Variants in PITPNC1 observed in about 807,000 individuals in gnomAD.
PITPNC1 encodes the protein cytoplasmic phosphatidylinositol transfer protein 1.
In PITPNC1, 18 loss-of-function variants were observed where a neutral mutation model predicts 44.7. That is an observed-to-expected ratio of 0.40 (90% confidence interval 0.28 to 0.60). The LOEUF is 0.60. Among genes scored for constraint, PITPNC1 ranks in the 20% least tolerant of loss-of-function variants. The pLI is 0.39. For synonymous variants in PITPNC1, 141 were observed against 149.6 expected, an observed-to-expected ratio of 0.94 and a Z score of 0.42; for missense variants, 290 against 418.4, an observed-to-expected ratio of 0.69 and a Z score of 2.68.
intron 1 of PITPNC1, among the ~76,000 whole-genome samples, chr17:67,512,622 T>C (rs2040203210): frequency 6.6e-6 from 1 of 152,164 alleles, no homozygotes; most frequent in South Asian, 2.1e-4. Flanking sequence ...TTTATTATCA[T>C]TTTTTGTTTA....
At chr17:67,475,181 C>T (rs1169880115) in intron 1 of PITPNC1, among the ~76,000 whole-genome samples, 2 of 152,250 alleles carry the variant, frequency 1.3e-5, no homozygotes, top group African/African-American at 2.4e-5. Flanking sequence ...TTCTGAAAAG[C>T]GTTGCCGTGG....
intron 8 of PITPNC1, among the ~76,000 whole-genome samples, chr17:67,692,203 C>A (rs1384773960): frequency 6.6e-6 from 1 of 152,108 alleles, no homozygotes; most frequent in African/African-American, 2.4e-5. Flanking sequence ...CCAAATACCC[C>A]ACACCAGACC....
At chr17:67,541,318 A>G (rs542341224) in intron 2 of PITPNC1, among the ~76,000 whole-genome samples, 19 of 152,346 alleles carry the variant, frequency 1.2e-4, no homozygotes, top group African/African-American at 4.6e-4. Flanking sequence ...ATCAAGATGA[A>G]ATTAAATAGG....
chr17:67,486,409 T>C (rs2039778556), intron 1 of PITPNC1, among the ~76,000 whole-genome samples: 1 of 152,162 alleles, frequency 6.6e-6, no homozygotes, highest in Admixed American at 6.5e-5. Flanking sequence ...AGACCTCTTC[T>C]TCCTCCTATG....
intron 1 of PITPNC1, among the ~76,000 whole-genome samples, chr17:67,405,776 T>A (rs2038388357): frequency 6.6e-6 from 1 of 151,782 alleles, no homozygotes; most frequent in South Asian, 2.1e-4. Flanking sequence ...CAGCTAATTT[T>A]TTGTATTTTT....
rs1555657782 is a variant in PITPNC1 at position 67,494,189 on chromosome 17, C to CTTTCTTTCTTTCTTTCTT, written c.49-38611_49-38594dup. Among the ~76,000 whole-genome samples, 64 of 62,062 alleles carry CTTTCTTTCTTTCTTTCTT rather than the reference C, an allele frequency of 1.0e-3. 1 individual carries two copies. Among genetic ancestry groups the CTTTCTTTCTTTCTTTCTT allele is most frequent in the Non-Finnish European group, 1.9e-3 (50 of 26,838 alleles). The allele number at this position is 62,062 out of a possible 152,430, so 40.7% of individuals were successfully genotyped here. Reference sequence around the variant, plus strand: ...TTTCTTTCTTTCTTTCTTTCTTTTTCTTTCTTTCTTTCTTTCTTTCTTTCT... The same window carrying CTTTCTTTCTTTCTTTCTT: ...TTTCTTTCTTTCTTTCTTTCTTTTTCTTTCTTTCTTTCTTTCTTTTTCTTTCTTTCTTTCTTTCTTTCT... On this transcript the variant is annotated intron_variant, in intron 1 of 8. Coordinates refer to ENST00000581322, the MANE Select transcript of PITPNC1 (RefSeq NM_012417.4).
Position 67,692,565 on chromosome 17 carries a change from C to G in PITPNC1, c.683-7C>G. The G allele has an allele frequency of 6.2e-7, 1 of 1,603,610 alleles. No individual in the cohort carries two copies. The highest frequency in any genetic ancestry group is 8.5e-7 in the Non-Finnish European group (1 of 1,171,262). On this transcript the variant is annotated splice_polypyrimidine_tract_variant and splice_region_variant and intron_variant, in intron 8 of 8. Coordinates refer to ENST00000581322, the MANE Select transcript of PITPNC1 (RefSeq NM_012417.4). ...GCTCGTTTTTCTTTCTGTTTTTCTC[C>G]TTGAAGACATGACAATGGATGAAGT...
At chr17:67,392,717 T>C (rs2038156248) in intron 1 of PITPNC1, among the ~76,000 whole-genome samples, 1 of 152,180 alleles carries the variant, frequency 6.6e-6, no homozygotes, top group Non-Finnish European at 1.5e-5. Flanking sequence ...ATCAGCACTA[T>C]TGAAATAAAC....
At chr17:67,550,846 G>C (rs766389753) in intron 2 of PITPNC1, among the ~76,000 whole-genome samples, 16 of 152,154 alleles carry the variant, frequency 1.1e-4, no homozygotes, top group Non-Finnish European at 2.4e-4. Flanking sequence ...TGGATCATGA[G>C]GTCAGGAGAT....
chr17:67,546,672 C>T lies in PITPNC1; in HGVS notation c.198-5585C>T, dbSNP rs2570042. ...TCCAGGAACCTGCAGGAGGCAGGCTCCTTTTCCCAGAATCCTGACACAAAC... is the reference window on the plus strand; with the variant it reads ...TCCAGGAACCTGCAGGAGGCAGGCTTCTTTTCCCAGAATCCTGACACAAAC... On this transcript the variant is annotated intron_variant, in intron 2 of 8. Transcript: ENST00000581322. 4.4e-3 allele frequency among the ~76,000 whole-genome samples: 673 copies of T among 152,304 alleles called. 4 individuals carry two copies. Among genetic ancestry groups the T allele is most frequent in the African/African-American group, 0.016 (646 of 41,562 alleles).
At chr17:67,683,052 T>C (rs1024280127) in intron 8 of PITPNC1, among the ~76,000 whole-genome samples, 3 of 150,152 alleles carry the variant, frequency 2.0e-5, no homozygotes, top group East Asian at 2.0e-4. Context: ...CCCAGCTACT[T>C]GGGAGGCTAA....
intron 1 of PITPNC1, among the ~76,000 whole-genome samples, chr17:67,421,535 G>A (rs907705108): frequency 2.0e-5 from 3 of 151,956 alleles, no homozygotes; most frequent in African/African-American, 7.3e-5. Flanking sequence ...CACCTGCCTC[G>A]GCCTCCCAAA....
At chr17:67,583,575 G>C (rs1017560540) in intron 5 of PITPNC1, among the ~76,000 whole-genome samples, 2 of 134,828 alleles carry the variant, frequency 1.5e-5, no homozygotes, top group African/African-American at 5.8e-5. Context: ...GCAACAGAGC[G>C]AGACTCCTTC....
At chr17:67,659,971 C>G (rs907192454) in intron 6 of PITPNC1, among the ~76,000 whole-genome samples, 1 of 152,138 alleles carries the variant, frequency 6.6e-6, no homozygotes, top group Non-Finnish European at 1.5e-5. Flanking sequence ...CCTCCTCCCC[C>G]CAGGGTTCAA....
intron 2 of PITPNC1, among the ~76,000 whole-genome samples, chr17:67,541,324 A>G (rs1008477509): frequency 9.2e-5 from 14 of 152,232 alleles, no homozygotes; most frequent in African/African-American, 3.1e-4. Context: ...ATGAAATTAA[A>G]TAGGGGCAAG....
intron 5 of PITPNC1, among the ~76,000 whole-genome samples, chr17:67,598,585 G>A (rs1450800020): frequency 6.6e-6 from 1 of 152,132 alleles, no homozygotes; most frequent in East Asian, 1.9e-4. Flanking sequence ...ACCATGTGAG[G>A]ACACAACTAG....
intron 8 of PITPNC1, among the ~76,000 whole-genome samples, chr17:67,688,685 A>G (rs2042866166): frequency 6.6e-6 from 1 of 152,136 alleles, no homozygotes; most frequent in Non-Finnish European, 1.5e-5. Context: ...TTGAATTTCT[A>G]TCACTTTCAA....
chr17:67,664,124 C>T (rs546518868), intron 6 of PITPNC1, among the ~76,000 whole-genome samples: 1 of 152,098 alleles, frequency 6.6e-6, no homozygotes, highest in Non-Finnish European at 1.5e-5. Context: ...CCACCACGCC[C>T]AGCTAAATTT....
chr17:67,547,152 A>C (rs915550585), intron 2 of PITPNC1, among the ~76,000 whole-genome samples: 5 of 152,232 alleles, frequency 3.3e-5, no homozygotes, highest in African/African-American at 1.2e-4. Context: ...TCAGTGCAGA[A>C]CATGGCAGGT....
Sources: gnomAD v4.1 joint callset for allele counts (sites outside exome capture counted in the v4.1 genomes callset) on GRCh38, gnomAD v4.1.1 for gene constraint, MANE v1.5 for transcripts, NCBI Gene and HGNC (gene_info 2026-07-23, HGNC 2026-07-21) for gene names.